The following NTRK2 variants were observed in gnomAD, a reference collection of about 807,000 sequenced individuals.
NTRK2 encodes neurotrophic receptor tyrosine kinase 2.
In NTRK2, 13 loss-of-function variants were observed where a neutral mutation model predicts 94.5. That is an observed-to-expected ratio of 0.14 (90% CI 0.09 to 0.22). The LOEUF (loss-of-function observed/expected upper bound fraction) is 0.22, where lower values mean the gene tolerates loss of function less well. NTRK2 is among the 10% of genes least tolerant of loss of function. The pLI is 1.00. For synonymous variants in NTRK2, 372 were observed against 407.4 expected, an observed-to-expected ratio of 0.91 and a Z score of 1.05; for missense variants, 639 against 1,071.2, an observed-to-expected ratio of 0.60 and a Z score of 5.63.
intron 17 of NTRK2, among the ~76,000 whole-genome samples, chr9:85,000,718 A>G (rs937949418): frequency 1.3e-5 from 2 of 152,218 alleles, no homozygotes; most frequent in Non-Finnish European, 2.9e-5. Context: ...AAGCGGGTGT[A>G]GACATTCATG....
chr9:84,707,783 A>C, intron 4 of NTRK2, 61 bp from the exon 5 acceptor site: 1 of 1,248,952 alleles, frequency 8.0e-7, no homozygotes, highest in Non-Finnish European at 1.2e-6. Flanking sequence ...CTCTATTTGA[A>C]TACTGTGTTC....
chr9:84,981,628 T>G (rs913702641), intron 17 of NTRK2, among the ~76,000 whole-genome samples: 3 of 152,218 alleles, frequency 2.0e-5, no homozygotes, highest in African/African-American at 4.8e-5. Flanking sequence ...ATTGTCTTCT[T>G]AAATCAGTTG....
intron 17 of NTRK2, among the ~76,000 whole-genome samples, chr9:84,994,275 T>C (rs944299014): frequency 2.0e-5 from 3 of 152,234 alleles, no homozygotes; most frequent in African/African-American, 7.2e-5. Context: ...CTGTAAGTTA[T>C]ATGAGGTTGA....
At chr9:84,800,186 C>T (rs2070230342) in intron 12 of NTRK2, among the ~76,000 whole-genome samples, 2 of 144,272 alleles carry the variant, frequency 1.4e-5, no homozygotes, top group South Asian at 2.3e-4. Flanking sequence ...GAAGCCGAAG[C>T]TCTATCAAGA....
chr9:84,806,905 A>T (rs952803029), intron 12 of NTRK2, among the ~76,000 whole-genome samples: 1 of 152,254 alleles, frequency 6.6e-6, no homozygotes, highest in Non-Finnish European at 1.5e-5. Context: ...ATTTTCCAGA[A>T]GACTTAAAAG....
intron 14 of NTRK2, among the ~76,000 whole-genome samples, chr9:84,910,062 T>G (rs2077193927): frequency 6.6e-6 from 1 of 152,176 alleles, no homozygotes; most frequent in Admixed American, 6.5e-5. Flanking sequence ...AGTTCTGTAG[T>G]TTTATGTTTT....
chr9:84,730,433 A>C (rs1179374882), intron 9 of NTRK2, among the ~76,000 whole-genome samples: 2 of 151,858 alleles, frequency 1.3e-5, no homozygotes, highest in Non-Finnish European at 2.9e-5. Flanking sequence ...TTCTCTATTA[A>C]CCTCCTTTAA....
intron 17 of NTRK2, among the ~76,000 whole-genome samples, chr9:85,014,845 AT>A (rs1190579106): frequency 1.3e-5 from 2 of 152,230 alleles, no homozygotes; most frequent in Non-Finnish European, 2.9e-5. Context: ...TTTTCTCTAC[AT>A]ATCACTATCA....
At chr9:84,881,317 G>C (rs2076247430) in intron 14 of NTRK2, among the ~76,000 whole-genome samples, 1 of 152,216 alleles carries the variant, frequency 6.6e-6, no homozygotes, top group Non-Finnish European at 1.5e-5. Context: ...TGAAAGTTCA[G>C]ATTAGGCTTA....
At chr9:84,854,064 T>A (rs2074928854) in intron 12 of NTRK2, among the ~76,000 whole-genome samples, 1 of 139,442 alleles carries the variant, frequency 7.2e-6, no homozygotes. Context: ...AGAGTGAGAC[T>A]CTGTCTCAAA....
At chr9:84,916,495 G>A (rs1564461170) in intron 14 of NTRK2, among the ~76,000 whole-genome samples, 2 of 152,114 alleles carry the variant, frequency 1.3e-5, no homozygotes, top group African/African-American at 2.4e-5. Context: ...TCCCATGCAG[G>A]CACTACCAAT....
chr9:84,988,161 A>C (rs1365763139), intron 17 of NTRK2, among the ~76,000 whole-genome samples: 1 of 152,164 alleles, frequency 6.6e-6, no homozygotes, highest in Non-Finnish European at 1.5e-5. Context: ...GGATATTTGG[A>C]GCTTGTGAGA....
At position 85,026,306 on chromosome 9, in the gene NTRK2, T is replaced by C. The variant is rs1274636163; in HGVS notation, c.*4869T>C. ...CTATGCGTTTGAGGCCAGGTCCATG[T>C]TTATTTATTTCTTTAGTCTATGCAT... On this transcript the variant is annotated 3_prime_UTR_variant, in exon 19 of 19. Transcript: ENST00000277120. 4.3e-6 allele frequency: 1 copy of C among 231,578 alleles called. No individual in the cohort carries two copies. Among genetic ancestry groups the C allele is most frequent in the Non-Finnish European group, 8.5e-6 (1 of 117,108 alleles). The allele number at this position is 231,578 out of a possible 1,614,324, so 14.3% of individuals were successfully genotyped here.
In NTRK2 at chr9:84,984,345, C is replaced by T. The variant is rs545744541; in HGVS notation, c.2172+28828C>T. Among the ~76,000 whole-genome samples the T allele has an allele frequency of 7.2e-5, 11 of 152,118 alleles. No homozygotes were observed. In the South Asian group the frequency reaches 1.0e-3, roughly 14 times the overall value. ...AAAATTAGCCTGGCATAGTGGTGCACGCCTGTAGTCCCAGCTACTTGGTGG... is the reference window on the plus strand; with the variant it reads ...AAAATTAGCCTGGCATAGTGGTGCATGCCTGTAGTCCCAGCTACTTGGTGG... On this transcript the variant is annotated intron_variant, in intron 17 of 18. Transcript: ENST00000277120.
intron 12 of NTRK2, among the ~76,000 whole-genome samples, chr9:84,817,444 T>A (rs947974842): frequency 6.6e-6 from 1 of 152,350 alleles, no homozygotes; most frequent in African/African-American, 2.4e-5. Flanking sequence ...AGGTTTGATT[T>A]TGATAAAATA....
intron 12 of NTRK2, among the ~76,000 whole-genome samples, chr9:84,799,777 G>T (rs1031437286): frequency 6.6e-6 from 1 of 152,092 alleles, no homozygotes; most frequent in African/African-American, 2.4e-5. Flanking sequence ...GTTCAGTTGG[G>T]GGTGGGAGAG....
chr9:84,751,422 A>G lies in NTRK2; in HGVS notation c.1297-564A>G, dbSNP rs2064598266. On this transcript the variant is annotated intron_variant, in intron 11 of 18. Transcript: ENST00000277120. Reference sequence around the variant, plus strand: ...TGGCAAAACCCTGTCTCTGCAAAAAAACTTAAAAATGAGCCAGGTATAGTG... The same window carrying G: ...TGGCAAAACCCTGTCTCTGCAAAAAGACTTAAAAATGAGCCAGGTATAGTG... Among the ~76,000 whole-genome samples, 3 of 152,138 alleles carry G rather than the reference A, an allele frequency of 2.0e-5. No individual in the cohort carries two copies. In the East Asian group the frequency reaches 5.8e-4, roughly 29 times the overall value.
At position 85,003,023 on chromosome 9, in the gene NTRK2, G is replaced by A. The variant is rs564618289; in HGVS notation, c.2173-17183G>A. Among the ~76,000 whole-genome samples, 7 of 152,292 alleles carry A rather than the reference G, an allele frequency of 4.6e-5. 1 individual carries two copies. The highest frequency in any genetic ancestry group is 1.7e-4 in the African/African-American group (7 of 41,550). ...AGTGAGCTTGGTGAATCAGCCCCGA[G>A]AGAGCCTACTAGAAGGCTGGACTCT... On this transcript the variant is annotated intron_variant, in intron 17 of 18. Transcript: ENST00000277120.
At chr9:84,845,368 T>C (rs1302434523) in intron 12 of NTRK2, among the ~76,000 whole-genome samples, 1 of 152,130 alleles carries the variant, frequency 6.6e-6, no homozygotes, top group Non-Finnish European at 1.5e-5. Flanking sequence ...AGGAAAGTCT[T>C]CTCAAAAATG....
Sources: allele counts gnomAD v4.1 joint callset (sites outside exome capture counted in the v4.1 genomes callset), GRCh38; gene constraint gnomAD v4.1.1; transcripts MANE v1.5; gene names NCBI Gene and HGNC (gene_info 2026-07-23, HGNC 2026-07-21).